DPEP1: variants seen among roughly 807,000 people sequenced by gnomAD.
DPEP1 encodes the protein dipeptidase 1.
DPEP1 carries 50 observed loss-of-function variants against 42.3 expected under a neutral mutation model. That is an observed-to-expected ratio of 1.18 (90% CI 0.94 to 1.50). DPEP1 has a LOEUF of 1.50. DPEP1 is among the 40% of genes most tolerant of loss of function. The pLI is 0.00. For missense variants in DPEP1, 663 were observed against 553.0 expected, an observed-to-expected ratio of 1.20 and a Z score of -1.99; for synonymous variants, 297 against 234.0, an observed-to-expected ratio of 1.27 and a Z score of -2.46.
At position 89,618,784 on chromosome 16, in the gene DPEP1, A is replaced by G. The variant is rs1250938767; in HGVS notation, c.-107+5065A>G. On this transcript the variant is annotated intron_variant, in intron 1 of 10. Coordinates refer to ENST00000690203, the MANE Select transcript of DPEP1 (RefSeq NM_001389466.1). Reference sequence around the variant, plus strand: ...AAAGTTGCACAATTCGCATTTTGTAACTTATAGATTAATATTTATTTTATT... The same window carrying G: ...AAAGTTGCACAATTCGCATTTTGTAGCTTATAGATTAATATTTATTTTATT... 3.3e-5 allele frequency among the ~76,000 whole-genome samples: 5 copies of G among 151,494 alleles called. No individual in the cohort carries two copies. In the East Asian group the frequency reaches 9.8e-4, roughly 30 times the overall value.
rs1567992149 is a variant in DPEP1 at position 89,636,569 on chromosome 16, GC to G, written c.409del (p.Leu137Ter). On this transcript the variant is annotated frameshift_variant, in exon 5 of 11. Coordinates refer to ENST00000690203, the MANE Select transcript of DPEP1 (RefSeq NM_001389466.1). LOFTEE classifies it high-confidence loss of function. ...GCCTTCCGGGAAGGGAAGGTGGCCA[GC>G]CTGATCGGCGTGGAGGGCGGCCACT... ...RQAFREGKVASLIGVEGGHSI... is the reference protein window; with the variant it reads ...RQAFREGKVAXLIGVEGGHSI... The G allele has an allele frequency of 6.2e-7, 1 of 1,612,476 alleles. No individual in the cohort carries two copies. The highest frequency in any genetic ancestry group is 8.5e-7 in the Non-Finnish European group (1 of 1,179,862).
At chr16:89,625,779 T>C (rs1160338265) in intron 1 of DPEP1, among the ~76,000 whole-genome samples, 1 of 152,142 alleles carries the variant, frequency 6.6e-6, no homozygotes, top group African/African-American at 2.4e-5. Context: ...GCTGGTACCT[T>C]TGTGCTCACA....
At chr16:89,639,246 G>C (rs1402289759), downstream of DPEP1, among the ~76,000 whole-genome samples, 2 of 6,746 alleles carry the variant, frequency 3.0e-4, no homozygotes, top group African/African-American at 6.8e-4. Context: ...CGCACACACC[G>C]CACCCCTGCA....
chr16:89,617,857 C>T (rs1450595545), intron 1 of DPEP1, among the ~76,000 whole-genome samples: 1 of 149,690 alleles, frequency 6.7e-6, no homozygotes, highest in Admixed American at 6.7e-5. Context: ...AACCCCATCT[C>T]TACTAAAAAT....
intron 2 of DPEP1, among the ~76,000 whole-genome samples, chr16:89,633,795 G>A (rs2059620849): frequency 6.6e-6 from 1 of 151,338 alleles, no homozygotes; most frequent in African/African-American, 2.4e-5. Context: ...CTGAGGCACA[G>A]GGATGGGTCT....
intron 1 of DPEP1, among the ~76,000 whole-genome samples, chr16:89,617,197 G>T (rs944113324): frequency 3.3e-5 from 5 of 152,166 alleles, no homozygotes; most frequent in Non-Finnish European, 7.4e-5. Flanking sequence ...TAGAACAAGG[G>T]AGAGGGAGTG....
rs2059635171 is a variant in DPEP1, at chr16:89,634,528, C to CCCCTTCCTTCTCCTTT, written c.105-1376_105-1361dup. On this transcript the variant is annotated intron_variant, in intron 2 of 10. Coordinates refer to ENST00000690203, the MANE Select transcript of DPEP1 (RefSeq NM_001389466.1). ...CCCCAGCTCCCCCTTCCTCTGCGTT[C>CCCCTTCCTTCTCCTTT]CCCTTCCTTCTCCTTTCCCCTTCCT... 2.1e-5 allele frequency among the ~76,000 whole-genome samples: 2 copies of CCCCTTCCTTCTCCTTT among 95,340 alleles called. 1 individual carries two copies. Among genetic ancestry groups the CCCCTTCCTTCTCCTTT allele is most frequent in the African/African-American group, 7.6e-5 (2 of 26,184 alleles). 62.5% of individuals were successfully genotyped at this position (95,340 alleles called of 152,430 possible).
rs938816792 is a variant in DPEP1 at position 89,613,680 on chromosome 16, G to T, written c.-146G>T. Reference sequence around the variant, plus strand: ...GCCTGGCGTGGGAGCTGCCTAGGCCGGGCCCTGCCAGGGAGCAAGTCTGCA... The same window carrying T: ...GCCTGGCGTGGGAGCTGCCTAGGCCTGGCCCTGCCAGGGAGCAAGTCTGCA... On this transcript the variant is annotated 5_prime_UTR_variant, in exon 1 of 11. Transcript: ENST00000690203. 1 of 152,694 alleles carries T rather than the reference G, an allele frequency of 6.5e-6. No individual in the cohort carries two copies. The highest frequency in any genetic ancestry group is 2.4e-5 in the African/African-American group (1 of 41,468). The allele number at this position is 152,694 out of a possible 1,614,324, so 9.5% of individuals were successfully genotyped here. A position where few individuals can be genotyped will look rare whatever the true frequency, so the allele number is the denominator to read the frequency against.
rs779304569 is a variant in DPEP1 at position 89,637,896 on chromosome 16, G to A, written c.990G>A (p.Arg330=). 4.3e-6 allele frequency: 7 copies of A among 1,612,576 alleles called. No homozygotes were observed. The highest frequency in any genetic ancestry group is 1.3e-5 in the African/African-American group (1 of 74,906). ...KYPDLIAELL[R]RNWTEAEVKG... ...CAGACCTGATCGCTGAGCTGCTCAG[G>A]AGGAACTGGACGGAGGCGGAGGTCA... Residue 330 remains arginine, a synonymous_variant, in exon 10 of 11, where the codon AGG becomes AGA. Coordinates refer to ENST00000690203, the MANE Select transcript of DPEP1 (RefSeq NM_001389466.1).
At chr16:89,639,585 C>T (rs1037044809), downstream of DPEP1, among the ~76,000 whole-genome samples, 9 of 139,110 alleles carry the variant, frequency 6.5e-5, no homozygotes, top group Non-Finnish European at 1.4e-4. Flanking sequence ...CAACCCTGCA[C>T]GAGCAACCCC....
At chr16:89,631,435 G>T (rs2059587291) in intron 2 of DPEP1, among the ~76,000 whole-genome samples, 2 of 152,358 alleles carry the variant, frequency 1.3e-5, no homozygotes, top group South Asian at 2.1e-4. Context: ...TCCGCGTTGG[G>T]GTGGGAGGGT....
intron 3 of DPEP1, 69 bp downstream of exon 3, chr16:89,636,109 C>A (rs2059675025): frequency 4.5e-6 from 7 of 1,554,512 alleles, no homozygotes; most frequent in Non-Finnish European, 5.2e-6. Flanking sequence ...GGCCTGGCTA[C>A]AGTGGGACCA....
chr16:89,617,868 AC>A (rs1417905043), intron 1 of DPEP1, among the ~76,000 whole-genome samples: 3 of 151,806 alleles, frequency 2.0e-5, no homozygotes, highest in African/African-American at 7.2e-5. Flanking sequence ...TACTAAAAAT[AC>A]AAAAATTAGC....
At position 89,636,903 on chromosome 16, in the gene DPEP1, C is replaced by T; in HGVS notation, c.559C>T (p.Pro187Ser). ...GCTGGTGGACACGGGAGACAGCGAG[C>T]CCCAGAGCCAAGGCTTGTCACCCTT... is the stretch of plus-strand genomic sequence containing the variant. ...NWLVDTGDSE[P>S]QSQGLSPFGQ... Residue 187 changes from proline to serine, a missense_variant, in exon 6 of 11, where the codon CCC (proline) becomes TCC (serine). Coordinates refer to ENST00000690203, the MANE Select transcript of DPEP1 (RefSeq NM_001389466.1). The T allele has an allele frequency of 6.2e-7, 1 of 1,612,498 alleles. No individual in the cohort carries two copies. Among genetic ancestry groups the T allele is most frequent in the Non-Finnish European group, 8.5e-7 (1 of 1,179,940 alleles).
intron 1 of DPEP1, among the ~76,000 whole-genome samples, chr16:89,614,157 T>A (rs993879556): frequency 6.6e-6 from 1 of 151,980 alleles, no homozygotes; most frequent in African/African-American, 2.4e-5. Context: ...GGAGAGCTGC[T>A]CTCAGACCCG....
chr16:89,638,442 T>C (rs1277341613), downstream of DPEP1: 2 of 1,323,042 alleles, frequency 1.5e-6, no homozygotes, highest in Admixed American at 3.6e-5. Context: ...CATCCTGGGG[T>C]ACGTGTCATC....
At chr16:89,636,190 A>G (rs1449452282) in intron 3 of DPEP1, 74 bp from the exon 4 acceptor site, 18 of 1,559,402 alleles carry the variant, frequency 1.2e-5, no homozygotes, top group Admixed American at 1.9e-5. Context: ...GTGGGAAACC[A>G]GACTCCCACA....
intron 1 of DPEP1, among the ~76,000 whole-genome samples, chr16:89,614,588 A>T (rs2059363349): frequency 6.6e-6 from 1 of 152,142 alleles, no homozygotes; most frequent in Non-Finnish European, 1.5e-5. Flanking sequence ...AGGTCAGGAG[A>T]TCGAGACCAT....
chr16:89,618,959 TGC>T (rs2059411464), intron 1 of DPEP1, among the ~76,000 whole-genome samples: 1 of 4,832 alleles, frequency 2.1e-4, no homozygotes, highest in Admixed American at 2.2e-3. Flanking sequence ...CTCCCCTCCC[TGC>T]AGCCCCCCTG....
Sources: allele counts gnomAD v4.1 joint callset (sites outside exome capture counted in the v4.1 genomes callset), GRCh38; gene constraint gnomAD v4.1.1; transcripts MANE v1.5; gene names NCBI Gene and HGNC (gene_info 2026-07-23, HGNC 2026-07-21).